AUTS2: variants seen among roughly 807,000 people sequenced by gnomAD.
AUTS2 encodes activator of transcription and developmental regulator AUTS2, also known as autism susceptibility gene 2 protein.
In AUTS2, 17 loss-of-function variants were observed where a neutral mutation model predicts 112.4. The observed-to-expected ratio is 0.15, with a 90% CI of 0.10 to 0.23. AUTS2 has a LOEUF of 0.23. Among genes scored for constraint, AUTS2 ranks in the 10% least tolerant of loss-of-function variants. The probability of loss-of-function intolerance (pLI) is 1.00; values close to 1 mark genes in which losing one functional copy is unlikely to be tolerated. For missense variants in AUTS2, 1,510 were observed against 1,701.6 expected (o/e 0.89, Z 1.98); for synonymous variants, 751 against 702.7 (o/e 1.07, Z -1.09).
chr7:70,435,347 C>T (rs1438322051), intron 4 of AUTS2, among the ~76,000 whole-genome samples: 2 of 152,162 alleles, frequency 1.3e-5, no homozygotes, highest in Admixed American at 6.5e-5. Flanking sequence ...AGAATGTCTT[C>T]GTTAAGAAAT....
intron 6 of AUTS2, among the ~76,000 whole-genome samples, chr7:70,748,075 G>A (rs924161765): frequency 2.7e-5 from 4 of 146,180 alleles, no homozygotes; most frequent in African/African-American, 7.7e-5. Context: ...TGATCCGCCC[G>A]TCTCAGCCTC....
intron 2 of AUTS2, among the ~76,000 whole-genome samples, chr7:70,067,010 G>C (rs1802529546): frequency 6.6e-6 from 1 of 152,182 alleles, no homozygotes; most frequent in African/African-American, 2.4e-5. Context: ...CAGGAGGCTT[G>C]TTAACTTATG....
In AUTS2 at chr7:70,146,528, C is replaced by T. The variant is rs115668920; in HGVS notation, c.660+11957C>T. Among the ~76,000 whole-genome samples, 338 of 152,138 alleles carry T rather than the reference C, an allele frequency of 2.2e-3. 1 individual carries two copies. Among genetic ancestry groups the T allele is most frequent in the African/African-American group, 7.5e-3 (310 of 41,526 alleles). ...TCTTGGTTCATTTACTGTTTTGAAGCAATGGAATTACTTACATATTTTTAT... is the reference window on the plus strand; with the variant it reads ...TCTTGGTTCATTTACTGTTTTGAAGTAATGGAATTACTTACATATTTTTAT... On this transcript the variant is annotated intron_variant, in intron 4 of 18. Transcript: ENST00000342771.
At chr7:70,090,021 T>C (rs1803827263) in intron 2 of AUTS2, among the ~76,000 whole-genome samples, 1 of 147,666 alleles carries the variant, frequency 6.8e-6, no homozygotes, top group African/African-American at 2.4e-5. Flanking sequence ...AATAAATAAA[T>C]AAATAAATAA....
chr7:70,347,443 T>C (rs1243515786), intron 4 of AUTS2, among the ~76,000 whole-genome samples: 2 of 152,232 alleles, frequency 1.3e-5, no homozygotes, highest in Non-Finnish European at 2.9e-5. Flanking sequence ...TGCTATTTAA[T>C]GAAGGTGGGC....
chr7:70,145,374 C>A (rs1328520863), intron 4 of AUTS2, among the ~76,000 whole-genome samples: 1 of 152,076 alleles, frequency 6.6e-6, no homozygotes, highest in African/African-American at 2.4e-5. Flanking sequence ...TGTTCTGTTA[C>A]ACAATGGCAA....
intron 1 of AUTS2, among the ~76,000 whole-genome samples, chr7:69,886,999 A>C (rs1584394611): frequency 6.6e-6 from 1 of 151,204 alleles, no homozygotes; most frequent in African/African-American, 2.4e-5. Context: ...CTGGTCTTGA[A>C]CTCCTGGGCT....
intron 5 of AUTS2, among the ~76,000 whole-genome samples, chr7:70,532,254 G>A (rs1401086502): frequency 1.3e-5 from 2 of 152,160 alleles, no homozygotes; most frequent in African/African-American, 2.4e-5. Flanking sequence ...CAGAGTTAAC[G>A]TGGGAAGTGA....
chr7:70,403,553 A>G (rs1161082083), intron 4 of AUTS2, among the ~76,000 whole-genome samples: 1 of 152,172 alleles, frequency 6.6e-6, no homozygotes, highest in African/African-American at 2.4e-5. Flanking sequence ...GCATCCTCCA[A>G]TGTACAAATA....
intron 5 of AUTS2, among the ~76,000 whole-genome samples, chr7:70,518,519 A>G (rs1799509792): frequency 6.6e-6 from 1 of 151,244 alleles, no homozygotes; most frequent in South Asian, 2.1e-4. Context: ...CGTCTCTACT[A>G]AAAAAATACA....
intron 5 of AUTS2, among the ~76,000 whole-genome samples, chr7:70,614,640 G>GCACCCC (rs1253271159): frequency 1.1e-4 from 17 of 152,134 alleles, no homozygotes; most frequent in Non-Finnish European, 2.2e-4. Flanking sequence ...CCTCTCTGCT[G>GCACCCC]CACCCCCACC....
At chr7:70,066,390 A>T (rs1032146368) in intron 2 of AUTS2, among the ~76,000 whole-genome samples, 8 of 152,186 alleles carry the variant, frequency 5.3e-5, no homozygotes, top group Middle Eastern at 3.4e-3. Flanking sequence ...GTTTTTTTCC[A>T]AGGGAAGACA....
intron 2 of AUTS2, among the ~76,000 whole-genome samples, chr7:70,081,246 G>A (rs1390449198): frequency 6.6e-6 from 1 of 151,930 alleles, no homozygotes; most frequent in East Asian, 1.9e-4. Flanking sequence ...TTTAAAACTG[G>A]GATTAGAAAC....
chr7:69,928,024 C>T (rs918994831), intron 2 of AUTS2, among the ~76,000 whole-genome samples: 3 of 152,210 alleles, frequency 2.0e-5, no homozygotes, highest in African/African-American at 7.2e-5. Flanking sequence ...TCTTGTCTCA[C>T]ATCCAGGAAG....
In AUTS2 at chr7:70,418,099, G is replaced by GTC. The variant is rs1395047324; in HGVS notation, c.661-17652_661-17651insCT. 8.4e-4 allele frequency among the ~76,000 whole-genome samples: 124 copies of GTC among 148,200 alleles called. 2 individuals carry two copies. Among genetic ancestry groups the GTC allele is most frequent in the African/African-American group, 3.0e-3 (120 of 40,282 alleles). On this transcript the variant is annotated intron_variant, in intron 4 of 18. Coordinates refer to ENST00000342771, the MANE Select transcript of AUTS2 (RefSeq NM_015570.4). The stretch of plus-strand genomic sequence containing the variant: ...TCTGTGTGTGTGTGTGTGTGTGTGT[G>GTC]TGTGTGTGTGTGTCTGTGTGTGTAG...
chr7:70,173,285 C>T lies in AUTS2; in HGVS notation c.660+38714C>T, dbSNP rs182510877. Among the ~76,000 whole-genome samples the T allele has an allele frequency of 3.0e-3, 452 of 151,152 alleles. 4 individuals carry two copies. Among genetic ancestry groups the T allele is most frequent in the African/African-American group, 0.01 (426 of 41,122 alleles). Reference sequence around the variant, plus strand: ...CTGAGGCAGGAGAATGGCGTGAACCCGGGAGGCGGAGCTTGCAGTGAGCCG... The same window carrying T: ...CTGAGGCAGGAGAATGGCGTGAACCTGGGAGGCGGAGCTTGCAGTGAGCCG... On this transcript the variant is annotated intron_variant, in intron 4 of 18. Transcript: ENST00000342771.
chr7:69,616,371 C>G (rs933204856), intron 1 of AUTS2, among the ~76,000 whole-genome samples: 1 of 152,184 alleles, frequency 6.6e-6, no homozygotes, highest in African/African-American at 2.4e-5. Flanking sequence ...AAGTCCACCT[C>G]CCTTCTTCCT....
intron 4 of AUTS2, among the ~76,000 whole-genome samples, chr7:70,209,741 A>C (rs1454520082): frequency 6.6e-6 from 1 of 152,134 alleles, no homozygotes; most frequent in African/African-American, 2.4e-5. Flanking sequence ...AATAATATTA[A>C]TTGGGGCTTT....
intron 1 of AUTS2, among the ~76,000 whole-genome samples, chr7:69,612,209 G>A (rs551534044): frequency 3.9e-5 from 6 of 152,128 alleles, no homozygotes; most frequent in African/African-American, 1.2e-4. Context: ...TAGTTTTGGG[G>A]GTATTTCATC....
Sources: allele counts gnomAD v4.1 joint callset (sites outside exome capture counted in the v4.1 genomes callset), GRCh38; gene constraint gnomAD v4.1.1; transcripts MANE v1.5; gene names NCBI Gene and HGNC (gene_info 2026-07-23, HGNC 2026-07-21).